The following B4GALT1 variants were observed in gnomAD, a reference collection of about 807,000 sequenced individuals.
B4GALT1 encodes the protein N-acetyllactosamine synthase.
A neutral mutation model predicts 34.9 loss-of-function variants in B4GALT1; 16 were observed. That is an observed-to-expected ratio of 0.46 (90% CI 0.31 to 0.70). B4GALT1 has a LOEUF of 0.70. Ranked by LOEUF, B4GALT1 falls within the 30% of genes least tolerant of loss-of-function variation. The probability of loss-of-function intolerance (pLI) is 0.05; values close to 1 mark genes in which losing one functional copy is unlikely to be tolerated. For missense variants in B4GALT1, 445 were observed against 530.5 expected, an observed-to-expected ratio of 0.84 and a Z score of 1.58; for synonymous variants, 221 against 218.1, an observed-to-expected ratio of 1.01 and a Z score of -0.12.
intron 2 of B4GALT1, among the ~76,000 whole-genome samples, chr9:33,123,135 G>C (rs34778677): frequency 0.11 from 16,623 of 152,030 alleles, 1,004 homozygotes; most frequent in African/African-American, 0.15. Context: ...AAAATTAGCT[G>C]GGTGTGGTGG....
At chr9:33,135,901 G>GTGTGTA (rs1407012419) in intron 1 of B4GALT1, among the ~76,000 whole-genome samples, 6 of 117,468 alleles carry the variant, frequency 5.1e-5, no homozygotes, top group Non-Finnish European at 1.1e-4. Context: ...GTGTGTGTGT[G>GTGTGTA]TGTGTGTGTA....
At chr9:33,110,071 C>T (rs552514163), downstream of B4GALT1, among the ~76,000 whole-genome samples, 1 of 152,358 alleles carries the variant, frequency 6.6e-6, no homozygotes, top group South Asian at 2.1e-4. Context: ...CTGCAGCTCC[C>T]TGCCAAGGGT....
downstream of B4GALT1, among the ~76,000 whole-genome samples, chr9:33,109,029 G>A (rs909806591): frequency 2.0e-5 from 3 of 152,152 alleles, no homozygotes; most frequent in Non-Finnish European, 2.9e-5. Context: ...TGATAGGAAC[G>A]TCTTTTGTTT....
At chr9:33,180,306 C>T in the B4GALT1 span, among the ~76,000 whole-genome samples, 8 of 152,176 alleles carry the variant, frequency 5.3e-5, no homozygotes, top group African/African-American at 1.9e-4. Flanking sequence ...GGGTCCATAA[C>T]TGAATGCAGC....
At chr9:33,113,918 C>A in intron 4 of B4GALT1, 40 bp from the exon 5 acceptor site, 3 of 1,594,538 alleles carry the variant, frequency 1.9e-6, no homozygotes, top group Non-Finnish European at 2.6e-6. Context: ...ACAGAGCTGC[C>A]ATACACTTGG....
chr9:33,115,952 G>A lies in B4GALT1; in HGVS notation c.959+39C>T, dbSNP rs771130922. On this transcript the variant is annotated intron_variant, in intron 4 of 5. Coordinates refer to ENST00000379731, the MANE Select transcript of B4GALT1 (RefSeq NM_001497.4). ...ATTGGTTAAAAAACTGGAAGTGAAG[G>A]TTGACAGAGGAGAAAGATATCTAAG... 5.6e-6 allele frequency: 9 copies of A among 1,598,052 alleles called. No individual in the cohort carries two copies. The Admixed American group carries it at 1.3e-4, about 24-fold the overall frequency.
chr9:33,122,194 G>A (rs903494747), intron 2 of B4GALT1, among the ~76,000 whole-genome samples: 5 of 152,096 alleles, frequency 3.3e-5, no homozygotes, highest in African/African-American at 1.2e-4. Context: ...CTCAAAAGTG[G>A]GATGCTCAAA....
exon 3 of B4GALT1, chr9:33,104,525 G>A (rs538824781): frequency 1.8e-5 from 6 of 336,826 alleles, no homozygotes; most frequent in African/African-American, 4.3e-5. Context: ...CTCCTTAGGG[G>A]AGGACAGCAT....
intron 1 of B4GALT1, among the ~76,000 whole-genome samples, chr9:33,149,408 G>A (rs1840477757): frequency 6.6e-6 from 1 of 151,894 alleles, no homozygotes. Flanking sequence ...AGCCTCCTGA[G>A]TAGCTGGAAC....
intron 1 of B4GALT1, 124 bp from the exon 2 acceptor site, chr9:33,135,548 G>C (rs562095888): frequency 2.9e-5 from 28 of 973,864 alleles, no homozygotes; most frequent in Non-Finnish European, 4.3e-5. Flanking sequence ...GGGAGGCAAC[G>C]TGGCCACGGA....
chr9:33,132,311 C>T (rs1840204958), intron 2 of B4GALT1, among the ~76,000 whole-genome samples: 1 of 152,054 alleles, frequency 6.6e-6, no homozygotes, highest in South Asian at 2.1e-4. Flanking sequence ...TAACTTAGGC[C>T]CGCTTTCCCC....
intron 2 of B4GALT1, among the ~76,000 whole-genome samples, chr9:33,132,575 TCTGA>T (rs1182237403): frequency 2.0e-5 from 3 of 152,238 alleles, no homozygotes; most frequent in Non-Finnish European, 4.4e-5. Context: ...GTGCCACCGG[TCTGA>T]GCTGGCTTGG....
intron 2 of B4GALT1, among the ~76,000 whole-genome samples, chr9:33,121,430 T>TTGG (rs1840018706): frequency 1.3e-5 from 2 of 152,158 alleles, no homozygotes; most frequent in South Asian, 4.1e-4. Flanking sequence ...TGGTATGATC[T>TTGG]TGGCTCACTG....
rs114868055 is a variant in B4GALT1 at position 33,143,579 on chromosome 9, T to C, written c.413-8155A>G. Among the ~76,000 whole-genome samples the C allele has an allele frequency of 1.4e-3, 216 of 152,362 alleles. 1 individual carries two copies. The highest frequency in any genetic ancestry group is 4.9e-3 in the African/African-American group (205 of 41,576). On this transcript the variant is annotated intron_variant, in intron 1 of 5. Coordinates refer to ENST00000379731, the MANE Select transcript of B4GALT1 (RefSeq NM_001497.4). The stretch of plus-strand genomic sequence containing the variant: ...AGGTTCTTGAGTCCTACTCACCAGA[T>C]TGATTTGATAAGCCTGGGGCAGGGG...
intron 1 of B4GALT1, among the ~76,000 whole-genome samples, chr9:33,147,538 T>C (rs1840446990): frequency 6.6e-6 from 1 of 150,718 alleles, no homozygotes; most frequent in South Asian, 2.1e-4. Context: ...TGAGCCCCCA[T>C]GCCCGGCCAA....
chr9:33,137,154 G>A (rs1042978630), intron 1 of B4GALT1, among the ~76,000 whole-genome samples: 3 of 152,166 alleles, frequency 2.0e-5, no homozygotes, highest in African/African-American at 7.2e-5. Context: ...GTGTGTCCCT[G>A]CACAAGGGAA....
Position 33,135,548 on chromosome 9 carries a change from G to A in B4GALT1, c.413-124C>T, listed in dbSNP as rs562095888. On this transcript the variant is annotated intron_variant, in intron 1 of 5. Transcript: ENST00000379731. ...GAAATGTCTCCTCCTGGGAGGCAAC[G>A]TGGCCACGGAGAGGGCCCTCCTGCC... 8.1e-5 allele frequency: 79 copies of A among 973,978 alleles called. No homozygotes were observed. In the African/African-American group the frequency reaches 1.0e-3, roughly 12 times the overall value. 60.3% of individuals were successfully genotyped at this position (973,978 alleles called of 1,614,324 possible). A position where few individuals can be genotyped will look rare whatever the true frequency, so the allele number is the denominator to read the frequency against.
chr9:33,161,560 T>C (rs979035688), intron 1 of B4GALT1, among the ~76,000 whole-genome samples: 1 of 152,128 alleles, frequency 6.6e-6, no homozygotes, highest in Admixed American at 6.5e-5. Flanking sequence ...TCTAATCCCA[T>C]GCCTTGTTAA....
chr9:33,150,306 T>C (rs1840496959), intron 1 of B4GALT1, among the ~76,000 whole-genome samples: 1 of 149,926 alleles, frequency 6.7e-6, no homozygotes, highest in Non-Finnish European at 1.5e-5. Context: ...AAAGTAAATA[T>C]AGTAAAATGT....
Sources: gnomAD v4.1 joint callset for allele counts (sites outside exome capture counted in the v4.1 genomes callset) on GRCh38, gnomAD v4.1.1 for gene constraint, MANE v1.5 for transcripts, NCBI Gene and HGNC (gene_info 2026-07-23, HGNC 2026-07-21) for gene names.